The following COL25A1 variants were observed in gnomAD, a reference collection of about 807,000 sequenced individuals.
The protein encoded by COL25A1 is collagen alpha-1(XXV) chain.
COL25A1 carries 103 observed loss-of-function variants against 128.4 expected under a neutral mutation model. The ratio of observed to expected loss-of-function variants is 0.80; its 90% CI spans 0.68 to 0.94. The LOEUF is 0.94. COL25A1 is among the 40% of genes least tolerant of loss of function. The pLI is 0.00. For missense variants in COL25A1, 745 were observed against 840.0 expected (o/e 0.89, Z 1.40); for synonymous variants, 279 against 277.2 (o/e 1.01, Z -0.06).
At chr4:108,914,329 T>A (rs1308202641) in intron 13 of COL25A1, among the ~76,000 whole-genome samples, 1 of 152,168 alleles carries the variant, frequency 6.6e-6, no homozygotes, top group Non-Finnish European at 1.5e-5. Context: ...AAAAAAGGGA[T>A]CCTTCAAAGG....
intron 3 of COL25A1, among the ~76,000 whole-genome samples, chr4:109,245,850 A>G (rs1780221111): frequency 6.6e-6 from 1 of 152,144 alleles, no homozygotes; most frequent in South Asian, 2.1e-4. Flanking sequence ...AAGACAGGCA[A>G]GTTCACACCA....
chr4:109,178,305 C>T (rs1774284769), intron 3 of COL25A1, among the ~76,000 whole-genome samples: 1 of 151,936 alleles, frequency 6.6e-6, no homozygotes, highest in African/African-American at 2.4e-5. Context: ...AAGTATGGGC[C>T]CATACTTTTT....
chr4:108,938,549 AC>A (rs887529945), intron 10 of COL25A1, among the ~76,000 whole-genome samples: 20 of 152,158 alleles, frequency 1.3e-4, no homozygotes, highest in African/African-American at 4.8e-4. Flanking sequence ...GTGAATAGCC[AC>A]TGCACTACAG....
chr4:109,163,453 T>C (rs1489939418), intron 3 of COL25A1, among the ~76,000 whole-genome samples: 1 of 152,084 alleles, frequency 6.6e-6, no homozygotes, highest in Non-Finnish European at 1.5e-5. Flanking sequence ...AGGTGGGACA[T>C]GAAGGAACTG....
intron 3 of COL25A1, among the ~76,000 whole-genome samples, chr4:109,227,258 C>CCA (rs571341463): frequency 1.3e-5 from 2 of 150,322 alleles, no homozygotes; most frequent in African/African-American, 4.9e-5. Flanking sequence ...AAATTCGCAG[C>CCA]AAAAAAAAAT....
intron 3 of COL25A1, among the ~76,000 whole-genome samples, chr4:109,095,769 G>C (rs1482813807): frequency 6.6e-6 from 1 of 152,188 alleles, no homozygotes; most frequent in African/African-American, 2.4e-5. Flanking sequence ...GGCCTAGCTG[G>C]ACTAACAAAG....
chr4:109,140,072 T>C (rs1237558865), intron 3 of COL25A1, among the ~76,000 whole-genome samples: 2 of 152,216 alleles, frequency 1.3e-5, no homozygotes, highest in South Asian at 2.1e-4. Context: ...CAGTCTATCA[T>C]TGTTGGACAT....
intron 3 of COL25A1, among the ~76,000 whole-genome samples, chr4:109,138,676 TG>T (rs1770056586): frequency 6.6e-6 from 1 of 151,940 alleles, no homozygotes; most frequent in Non-Finnish European, 1.5e-5. Context: ...TGGTTGTTGT[TG>T]TTTTTTGTTT....
At chr4:109,301,083 G>A (rs548733174) in intron 2 of COL25A1, among the ~76,000 whole-genome samples, 1 of 152,046 alleles carries the variant, frequency 6.6e-6, no homozygotes, top group South Asian at 2.1e-4. Context: ...TAAGGTTCCA[G>A]AAAACCCCCT....
At chr4:109,051,741 C>T (rs903079236) in intron 3 of COL25A1, among the ~76,000 whole-genome samples, 1 of 151,638 alleles carries the variant, frequency 6.6e-6, no homozygotes, top group Non-Finnish European at 1.5e-5. Context: ...CTAGCAACTA[C>T]TATATACTTA....
chr4:108,974,649 A>C (rs1752253467), intron 6 of COL25A1, 90 bp from the exon 7 acceptor site: 2 of 1,064,532 alleles, frequency 1.9e-6, no homozygotes, highest in East Asian at 5.2e-5. Flanking sequence ...GATTCATTCA[A>C]AGAATACAGA....
At chr4:108,851,255 C>T (rs1339028597) in intron 26 of COL25A1, among the ~76,000 whole-genome samples, 3 of 151,974 alleles carry the variant, frequency 2.0e-5, no homozygotes, top group Admixed American at 2.0e-4. Flanking sequence ...TTAAAAATCC[C>T]ACACCTTATA....
intron 3 of COL25A1, among the ~76,000 whole-genome samples, chr4:109,180,827 GA>G (rs1313113224): frequency 3.5e-4 from 54 of 152,180 alleles, no homozygotes; most frequent in African/African-American, 1.3e-3. Flanking sequence ...CATTTTCAAT[GA>G]AAAGATTAAA....
intron 3 of COL25A1, among the ~76,000 whole-genome samples, chr4:109,266,314 G>A: frequency 6.6e-6 from 1 of 152,272 alleles, no homozygotes; most frequent in East Asian, 1.9e-4. Flanking sequence ...GGCTATGGAT[G>A]AACAGCTGAG....
intron 3 of COL25A1, among the ~76,000 whole-genome samples, chr4:109,160,426 G>A (rs950937284): frequency 6.6e-6 from 1 of 152,084 alleles, no homozygotes; most frequent in Non-Finnish European, 1.5e-5. Context: ...AAATTGCCTT[G>A]GAAATTGGCC....
Position 108,811,429 on chromosome 4 carries a change from A to G in COL25A1, c.*2498T>C, listed in dbSNP as rs1270060954. On this transcript the variant is annotated 3_prime_UTR_variant, in exon 38 of 38. Coordinates refer to ENST00000399132, the MANE Select transcript of COL25A1 (RefSeq NM_198721.4). ...TCTTTGAAGGGCTGTATTTCAAAAAATTTTTTTATACATAAAGTGTTTTTC... is the reference window on the plus strand; with the variant it reads ...TCTTTGAAGGGCTGTATTTCAAAAAGTTTTTTTATACATAAAGTGTTTTTC... 4 of 152,092 alleles carry G rather than the reference A, an allele frequency of 2.6e-5. No homozygotes were observed. The highest frequency in any genetic ancestry group is 9.7e-5 in the African/African-American group (4 of 41,446). 9.4% of individuals were successfully genotyped at this position (152,092 alleles called of 1,614,324 possible). A position where few individuals can be genotyped will look rare whatever the true frequency, so the allele number is the denominator to read the frequency against.
intron 19 of COL25A1, among the ~76,000 whole-genome samples, chr4:108,871,090 C>T (rs1738652293): frequency 6.6e-6 from 1 of 152,098 alleles, no homozygotes; most frequent in Admixed American, 6.6e-5. Flanking sequence ...TAGGGCTTTG[C>T]GATCTCAGCT....
chr4:108,952,896 C>T (rs904873366), intron 8 of COL25A1, among the ~76,000 whole-genome samples: 2 of 135,360 alleles, frequency 1.5e-5, no homozygotes, highest in Non-Finnish European at 3.0e-5. Flanking sequence ...AAGTGTCCTG[C>T]CATTCTCTGG....
At chr4:109,009,447 T>G (rs75654814) in intron 6 of COL25A1, among the ~76,000 whole-genome samples, 1,684 of 152,196 alleles carry the variant, frequency 0.011, 37 homozygotes, top group African/African-American at 0.038. Context: ...TATACAGAGA[T>G]CATAAAAAGC....
Sources: gnomAD v4.1 joint callset for allele counts (sites outside exome capture counted in the v4.1 genomes callset) on GRCh38, gnomAD v4.1.1 for gene constraint, MANE v1.5 for transcripts, NCBI Gene and HGNC (gene_info 2026-07-23, HGNC 2026-07-21) for gene names.